CACNG6: variants seen among roughly 807,000 people sequenced by gnomAD.
CACNG6 encodes the protein voltage-dependent calcium channel gamma-6 subunit.
In CACNG6, 21 loss-of-function variants were observed where a neutral mutation model predicts 23.9. The ratio of observed to expected loss-of-function variants is 0.88; its 90% CI spans 0.62 to 1.26. The LOEUF (loss-of-function observed/expected upper bound fraction) is 1.26. CACNG6 is among the 50% of genes most tolerant of loss of function. CACNG6 has a pLI of 0.00. For missense variants in CACNG6, 340 were observed against 352.9 expected (o/e 0.96, Z 0.29); for synonymous variants, 182 against 168.9 (o/e 1.08, Z -0.60).
Position 53,992,644 on chromosome 19 carries a change from C to A in CACNG6, c.-234C>A. The A allele has an allele frequency of 2.9e-6, 1 of 347,488 alleles. No individual in the cohort carries two copies. The highest frequency in any genetic ancestry group is 5.2e-6 in the Non-Finnish European group (1 of 193,772). The allele number at this position is 347,488 out of a possible 1,614,324, so 21.5% of individuals were successfully genotyped here. ...TCTTGAGGGCAACCTAGACCCTCCT[C>A]TGAACCCCAGAGGCTTCCCCAGCCC... On this transcript the variant is annotated 5_prime_UTR_variant, in exon 1 of 4. The change creates a new upstream start codon in the 5' untranslated region. Coordinates refer to ENST00000252729, the MANE Select transcript of CACNG6 (RefSeq NM_145814.2). The surrounding 1 kb of genome is among the most constrained non-coding windows in gnomAD (Gnocchi z 4.1).
chr19:54,009,785 A>T (rs889327107), intron 3 of CACNG6, among the ~76,000 whole-genome samples: 17 of 134,254 alleles, frequency 1.3e-4, no homozygotes, highest in African/African-American at 5.9e-4. Context: ...GCTTTTTTTA[A>T]AAAAAAAAAA....
intron 3 of CACNG6, among the ~76,000 whole-genome samples, chr19:54,003,797 T>G (rs1361200595): frequency 6.6e-6 from 1 of 152,146 alleles, no homozygotes. Context: ...TCTCTATGCT[T>G]CTCCTTTTAA....
intron 1 of CACNG6, among the ~76,000 whole-genome samples, chr19:53,996,920 G>A (rs1299388499): frequency 7.2e-6 from 1 of 138,806 alleles, no homozygotes; most frequent in African/African-American, 2.7e-5. Flanking sequence ...CCAGGCTGGA[G>A]TGCAGTAGTA....
chr19:54,010,728 C>T (rs1296569281), intron 3 of CACNG6, among the ~76,000 whole-genome samples: 7 of 151,940 alleles, frequency 4.6e-5, no homozygotes, highest in Non-Finnish European at 2.9e-5. Flanking sequence ...GCGTGCACCA[C>T]CACACCTGGC....
At chr19:53,993,333 C>G (rs2069486119) in intron 1 of CACNG6, 125 bp downstream of exon 1, 2 of 956,830 alleles carry the variant, frequency 2.1e-6, no homozygotes, top group Non-Finnish European at 3.0e-6. Flanking sequence ...CAGCTTGCCT[C>G]GCAGTAAGCG....
chr19:53,993,721 C>A (rs158194), intron 1 of CACNG6, among the ~76,000 whole-genome samples: 1 of 149,932 alleles, frequency 6.7e-6, no homozygotes, highest in South Asian at 2.1e-4. Context: ...ACATGCACCC[C>A]TAGACCAGTC....
intron 3 of CACNG6, among the ~76,000 whole-genome samples, chr19:54,001,956 C>A (rs774896042): frequency 5.3e-5 from 8 of 152,216 alleles, no homozygotes; most frequent in Non-Finnish European, 1.0e-4. Flanking sequence ...TGAACTCACT[C>A]ATCCATGTAT....
rs763145947 is a variant in CACNG6, at chr19:54,010,835, C to T, written c.545-1116C>T. On this transcript the variant is annotated intron_variant, in intron 3 of 3. Transcript: ENST00000252729. Reference sequence around the variant, plus strand: ...GCCTCAGGCAATCCTTCGTCCTCGGCGTCCCAAAGCGCTTGGATTACAGGT... The same window carrying T: ...GCCTCAGGCAATCCTTCGTCCTCGGTGTCCCAAAGCGCTTGGATTACAGGT... 3.9e-5 allele frequency among the ~76,000 whole-genome samples: 6 copies of T among 152,164 alleles called. No individual in the cohort carries two copies. The South Asian group carries it at 8.3e-4, about 21-fold the overall frequency.
chr19:53,994,101 G>A (rs1368467646), intron 1 of CACNG6, among the ~76,000 whole-genome samples: 1 of 152,100 alleles, frequency 6.6e-6, no homozygotes, highest in Non-Finnish European at 1.5e-5. Context: ...GAGACAGCCT[G>A]GGTTCCTGGT....
intron 3 of CACNG6, among the ~76,000 whole-genome samples, chr19:54,006,482 C>G (rs2069646016): frequency 6.6e-6 from 1 of 150,892 alleles, no homozygotes; most frequent in Admixed American, 6.6e-5. Flanking sequence ...CATGGTCTTC[C>G]CTCTGTACTG....
In CACNG6 at chr19:53,999,669, G is replaced by A; in HGVS notation, c.442G>A (p.Gly148Ser). ...NLAAAVIAVLGLAVMALGCLC... is the reference protein window; with the variant it reads ...NLAAAVIAVLSLAVMALGCLC... Reference sequence around the variant, plus strand: ...GGCAGCTGCGGTGATAGCAGTGCTGGGCCTGGCAGTCATGGCCTTGGGGTG... The same window carrying A: ...GGCAGCTGCGGTGATAGCAGTGCTGAGCCTGGCAGTCATGGCCTTGGGGTG... Residue 148 changes from glycine to serine, a missense_variant, in exon 3 of 4, where the codon GGC becomes AGC. Transcript: ENST00000252729. 6.2e-7 allele frequency: 1 copy of A among 1,613,998 alleles called. No individual in the cohort carries two copies. The highest frequency in any genetic ancestry group is 8.5e-7 in the Non-Finnish European group (1 of 1,180,026).
chr19:53,999,559 T>G (rs2069554175), intron 2 of CACNG6, 75 bp from the exon 3 acceptor site: 1 of 1,520,712 alleles, frequency 6.6e-7, no homozygotes, highest in Non-Finnish European at 8.9e-7. Flanking sequence ...TTCCTGGTTC[T>G]GGGTTCCTAT....
intron 2 of CACNG6, 36 bp downstream of exon 2, chr19:53,998,349 G>A: frequency 6.3e-7 from 1 of 1,584,078 alleles, no homozygotes; most frequent in Non-Finnish European, 8.7e-7. Flanking sequence ...GTGACAGGTG[G>A]GGGAAATGCT....
rs34356561 is a variant in CACNG6 at position 54,009,782 on chromosome 19, T to A, written c.545-2169T>A. Among the ~76,000 whole-genome samples the A allele has an allele frequency of 3.8e-3, 452 of 118,242 alleles. 1 individual carries two copies. The highest frequency in any genetic ancestry group is 0.014 in the African/African-American group (428 of 30,442). The allele number at this position is 118,242 out of a possible 152,430, so 77.6% of individuals were successfully genotyped here. A position where few individuals can be genotyped will look rare whatever the true frequency, so the allele number is the denominator to read the frequency against. ...TTCTTTTTCTTCTTTTTTGCTTTTT[T>A]TAAAAAAAAAAAATCAGCCTGTAAT... is the stretch of plus-strand genomic sequence containing the variant. On this transcript the variant is annotated intron_variant, in intron 3 of 3. Transcript: ENST00000252729.
rs534872901 is a variant in CACNG6, at chr19:54,004,859, C to T, written c.544+5088C>T. Among the ~76,000 whole-genome samples the T allele has an allele frequency of 3.3e-5, 5 of 152,078 alleles. No homozygotes were observed. The South Asian group carries it at 1.0e-3, about 32-fold the overall frequency. ...CCTCAGAGAGACCAGCACTGACCATCGTGTCTAAAGGGGACTCATTTGGTA... is the reference window on the plus strand; with the variant it reads ...CCTCAGAGAGACCAGCACTGACCATTGTGTCTAAAGGGGACTCATTTGGTA... On this transcript the variant is annotated intron_variant, in intron 3 of 3. Transcript: ENST00000252729.
At position 53,992,850 on chromosome 19, in the gene CACNG6, C is replaced by T. The variant is rs1312769034; in HGVS notation, c.-28C>T. Reference sequence around the variant, plus strand: ...AGGCCCTTCGCCGGCTCTGCCTCCTCCCCCTTCCCGACCCCACCGGCCATA... The same window carrying T: ...AGGCCCTTCGCCGGCTCTGCCTCCTTCCCCTTCCCGACCCCACCGGCCATA... On this transcript the variant is annotated 5_prime_UTR_variant, in exon 1 of 4. Transcript: ENST00000252729. The surrounding 1 kb of genome is among the most constrained non-coding windows in gnomAD (Gnocchi z 4.1). 2 of 1,363,440 alleles carry T rather than the reference C, an allele frequency of 1.5e-6. No individual in the cohort carries two copies. Among genetic ancestry groups the T allele is most frequent in the East Asian group, 2.8e-5 (1 of 35,652 alleles). 84.5% of individuals were successfully genotyped at this position (1,363,440 alleles called of 1,614,324 possible). A position where few individuals can be genotyped will look rare whatever the true frequency, so the allele number is the denominator to read the frequency against.
intron 3 of CACNG6, among the ~76,000 whole-genome samples, chr19:54,008,417 G>A (rs2069669762): frequency 6.6e-6 from 1 of 152,134 alleles, no homozygotes; most frequent in African/African-American, 2.4e-5. Context: ...CTGGGGCGCA[G>A]GGAGGAAGCA....
chr19:53,991,588 A>C (rs866456911), upstream of CACNG6, among the ~76,000 whole-genome samples: 2 of 2,176 alleles, frequency 9.2e-4, no homozygotes, highest in African/African-American at 2.2e-3. Flanking sequence ...TGGAGGGTGG[A>C]GGGTGGGGGG....
chr19:54,011,894 GTTCAGACACAGCTGGGGTCGC>G, intron 3 of CACNG6, 36 bp from the exon 4 acceptor site: 1 of 1,280,370 alleles, frequency 7.8e-7, no homozygotes, highest in Admixed American at 2.9e-5. Context: ...TGGCGGAGAT[GTTCAGACACAGCTGGGGTCGC>G]GGGCGTCTGA....
Sources: gnomAD v4.1 joint callset for allele counts (sites outside exome capture counted in the v4.1 genomes callset) on GRCh38, gnomAD v4.1.1 for gene constraint, Gnocchi (gnomAD v3.1) non-coding constraint, MANE v1.5 for transcripts, NCBI Gene and HGNC (gene_info 2026-07-23, HGNC 2026-07-21) for gene names.